The following DCPS variants were observed in gnomAD, a reference collection of about 807,000 sequenced individuals.
DCPS encodes the protein decapping enzyme, scavenger.
Under a neutral mutation model 34.7 loss-of-function variants are expected in DCPS, and 27 were observed. That is an observed-to-expected ratio of 0.78 (90% confidence interval 0.57 to 1.07). The LOEUF is 1.07. Ranked by LOEUF, DCPS falls within the 50% of genes least tolerant of loss-of-function variation. The pLI is 0.00. For synonymous variants in DCPS, 185 were observed against 185.7 expected, an observed-to-expected ratio of 1.00 and a Z score of 0.03; for missense variants, 464 against 436.9, an observed-to-expected ratio of 1.06 and a Z score of -0.55.
chr11:126,307,509 C>A (rs1951581510), intron 2 of DCPS, among the ~76,000 whole-genome samples: 1 of 151,926 alleles, frequency 6.6e-6, no homozygotes, highest in African/African-American at 2.4e-5. Flanking sequence ...CTCACAGGTT[C>A]AAGCAATTCT....
chr11:126,349,688 G>A lies in DCPS; in HGVS notation c.*4075G>A, dbSNP rs1252166773. ...ATTTGAATATATTTATTTTATTGAT[G>A]TAGGTCTGCCAACTCTTCCTTCTCA... On this transcript the variant is annotated 3_prime_UTR_variant, in exon 6 of 6. Coordinates refer to ENST00000263579, the MANE Select transcript of DCPS (RefSeq NM_014026.6). The surrounding 1 kb of genome is among the most constrained non-coding windows in gnomAD (Gnocchi z 5.4). 6.6e-6 allele frequency among the ~76,000 whole-genome samples: 1 copy of A among 152,164 alleles called. No individual in the cohort carries two copies. Among genetic ancestry groups the A allele is most frequent in the Non-Finnish European group, 1.5e-5 (1 of 68,030 alleles).
rs1486500578 is a variant in DCPS at position 126,312,261 on chromosome 11, TC to T, written c.376+5519del. ...TGAAACTTTAAACAATGCTTACCCA[TC>T]CGCTATGGCATACTCTGTAGTATTT... On this transcript the variant is annotated intron_variant, in intron 2 of 5. Transcript: ENST00000263579. The surrounding 1 kb of genome is among the most constrained non-coding windows in gnomAD (Gnocchi z 5.1). Among the ~76,000 whole-genome samples, 1 of 152,160 alleles carries T rather than the reference TC, an allele frequency of 6.6e-6. No homozygotes were observed. Among genetic ancestry groups the T allele is most frequent in the Non-Finnish European group, 1.5e-5 (1 of 68,012 alleles).
rs1951808854 is a variant in DCPS at position 126,333,660 on chromosome 11, G to C, written c.522+2110G>C. Among the ~76,000 whole-genome samples, 1 of 152,188 alleles carries C rather than the reference G, an allele frequency of 6.6e-6. No individual in the cohort carries two copies. The highest frequency in any genetic ancestry group is 1.9e-4 in the East Asian group (1 of 5,188). On this transcript the variant is annotated intron_variant, in intron 3 of 5. Transcript: ENST00000263579. The surrounding 1 kb of genome is among the most constrained non-coding windows in gnomAD (Gnocchi z 5.7). ...AGCTGCAAGGAGTTTGGTGTGACTG[G>C]GGCTTGGGCTGCTGGAGGGTCAGAG...
Position 126,323,075 on chromosome 11 carries a change from CT to C in DCPS, c.377-8329del, listed in dbSNP as rs375665002. Among the ~76,000 whole-genome samples the C allele has an allele frequency of 1.3e-3, 194 of 151,768 alleles. No individual in the cohort carries two copies. Among genetic ancestry groups the C allele is most frequent in the African/African-American group, 4.4e-3 (180 of 41,226 alleles). On this transcript the variant is annotated intron_variant, in intron 2 of 5. Transcript: ENST00000263579. The surrounding 1 kb of genome is among the most constrained non-coding windows in gnomAD (Gnocchi z 4.4). ...CTCCTGGGCTCAATAGATTTCCCCC[CT>C]GTTTCAGCCTCCCAAAGTGTTGGGA...
rs1268542744 is a variant in DCPS, at chr11:126,344,826, T to C, written c.748-521T>C. 6.6e-6 allele frequency among the ~76,000 whole-genome samples: 1 copy of C among 152,122 alleles called. No homozygotes were observed. Among genetic ancestry groups the C allele is most frequent in the East Asian group, 1.9e-4 (1 of 5,176 alleles). On this transcript the variant is annotated intron_variant, in intron 5 of 5. Coordinates refer to ENST00000263579, the MANE Select transcript of DCPS (RefSeq NM_014026.6). This position sits in a 1 kb window ranked among gnomAD's most constrained non-coding sequence, Gnocchi z 8.1. ...GTCTGTGTGGGAGCAGCCCCTCCCA[T>C]ACCCCTTCCACAGTCCCTGCTCTTT... is the stretch of plus-strand genomic sequence containing the variant.
chr11:126,305,413 CTTTTTTTTTTTTTTT>C (rs1165260410), intron 1 of DCPS, among the ~76,000 whole-genome samples: 9 of 68,326 alleles, frequency 1.3e-4, no homozygotes, highest in Non-Finnish European at 1.7e-4. Flanking sequence ...CCGCACCCGC[CTTTTTTTTTTTTTTT>C]TTTTTTTTTG....
chr11:126,338,021 C>T lies in DCPS; in HGVS notation c.523-265C>T. ...GTGCACTATGCTGACCAGGAAGAGC[C>T]TGGCCCCTTCCAAGCTGCAGAGACC... On this transcript the variant is annotated intron_variant, in intron 3 of 5. Transcript: ENST00000263579. This position sits in a 1 kb window ranked among gnomAD's most constrained non-coding sequence, Gnocchi z 5.4. The T allele has an allele frequency of 2.0e-6, 1 of 492,200 alleles. No individual in the cohort carries two copies. Among genetic ancestry groups the T allele is most frequent in the Non-Finnish European group, 3.7e-6 (1 of 269,830 alleles). The allele number at this position is 492,200 out of a possible 1,614,324, so 30.5% of individuals were successfully genotyped here.
At chr11:126,314,697 G>A (rs1430990697) in intron 2 of DCPS, among the ~76,000 whole-genome samples, 1 of 152,110 alleles carries the variant, frequency 6.6e-6, no homozygotes, top group African/African-American at 2.4e-5. Flanking sequence ...GCAGCAACCT[G>A]GATGGAATTG....
intron 2 of DCPS, among the ~76,000 whole-genome samples, chr11:126,318,069 C>T (rs575425113): frequency 6.6e-6 from 1 of 152,308 alleles, no homozygotes; most frequent in East Asian, 1.9e-4. Flanking sequence ...GCTTTCTGGA[C>T]TTCAGAGGAC....
At chr11:126,318,237 T>C (rs185810640) in intron 2 of DCPS, among the ~76,000 whole-genome samples, 23 of 152,302 alleles carry the variant, frequency 1.5e-4, no homozygotes, top group Admixed American at 2.6e-4. Context: ...TGTGGAGTGG[T>C]TGAAGTTTCC....
chr11:126,306,478 G>T, intron 1 of DCPS, 92 bp from the exon 2 acceptor site: 1 of 1,338,172 alleles, frequency 7.5e-7, no homozygotes, highest in Non-Finnish European at 9.9e-7. Context: ...CCAAGTATTG[G>T]GAATTCAAAG....
At position 126,345,794 on chromosome 11, in the gene DCPS, G is replaced by T; in HGVS notation, c.*181G>T. On this transcript the variant is annotated 3_prime_UTR_variant, in exon 6 of 6. Transcript: ENST00000263579. This position sits in a 1 kb window ranked among gnomAD's most constrained non-coding sequence, Gnocchi z 7.4. ...CCTGGGAGGCAGACAGATGGTGGGGGACAGTGGGTGGGTAGAACCTGTGGG... is the reference window on the plus strand; with the variant it reads ...CCTGGGAGGCAGACAGATGGTGGGGTACAGTGGGTGGGTAGAACCTGTGGG... 1 of 883,750 alleles carries T rather than the reference G, an allele frequency of 1.1e-6. No homozygotes were observed. Among genetic ancestry groups the T allele is most frequent in the Non-Finnish European group, 1.7e-6 (1 of 595,280 alleles). The allele number at this position is 883,750 out of a possible 1,614,324, so 54.7% of individuals were successfully genotyped here.
chr11:126,306,569 G>A lies in DCPS; in HGVS notation c.202-1G>A. ...CCCACTGATGATGCCTCTGCCCACA[G>A]GTGAATGAGGCCTCTGGGGATGGGG... On this transcript the variant is annotated splice_acceptor_variant, in intron 1 of 5. Coordinates refer to ENST00000263579, the MANE Select transcript of DCPS (RefSeq NM_014026.6). LOFTEE classifies it high-confidence loss of function. 1 of 1,602,800 alleles carries A rather than the reference G, an allele frequency of 6.2e-7. No individual in the cohort carries two copies. Among genetic ancestry groups the A allele is most frequent in the Non-Finnish European group, 8.5e-7 (1 of 1,171,870 alleles).
At chr11:126,341,364 G>C (rs1213912371) in intron 4 of DCPS, 1 of 152,268 alleles carries the variant, frequency 6.6e-6, no homozygotes, top group African/African-American at 2.4e-5. Context: ...CCCTGGGCTA[G>C]CTTTTTTCAG....
rs955949314 is a variant in DCPS at position 126,346,696 on chromosome 11, C to T, written c.*1083C>T. 6.6e-6 allele frequency among the ~76,000 whole-genome samples: 1 copy of T among 152,004 alleles called. No homozygotes were observed. Among genetic ancestry groups the T allele is most frequent in the Non-Finnish European group, 1.5e-5 (1 of 68,034 alleles). The stretch of plus-strand genomic sequence containing the variant: ...CTCAGGGATGGCAGGATGGCAGGCT[C>T]CTAAGTGACAGCAGGGGGGAAGCTT... On this transcript the variant is annotated 3_prime_UTR_variant, in exon 6 of 6. Transcript: ENST00000263579. The surrounding 1 kb of genome is among the most constrained non-coding windows in gnomAD (Gnocchi z 4.1).
rs939620467 is a variant in DCPS at position 126,319,100 on chromosome 11, G to A, written c.377-12305G>A. 2.6e-5 allele frequency among the ~76,000 whole-genome samples: 4 copies of A among 152,118 alleles called. No individual in the cohort carries two copies. The highest frequency in any genetic ancestry group is 9.7e-5 in the African/African-American group (4 of 41,420). On this transcript the variant is annotated intron_variant, in intron 2 of 5. Transcript: ENST00000263579. This position sits in a 1 kb window ranked among gnomAD's most constrained non-coding sequence, Gnocchi z 4.5. ...GGACAAGTCAGAGCTGTGTTAGTCC[G>A]GGGCACATCAGCCTGCTCATCTGAG...
In DCPS at chr11:126,342,127, G is replaced by A. The variant is rs75757016; in HGVS notation, c.637-1180G>A. 0.049 allele frequency: 7,444 copies of A among 152,350 alleles called. 211 individuals are homozygous for A. The highest frequency in any genetic ancestry group is 0.099 in the East Asian group (514 of 5,182). 9.4% of individuals were successfully genotyped at this position (152,350 alleles called of 1,614,324 possible). ...CCCGTGCCTGGCCCCTCAGAGCCTTGATGTCTGGGGCCTTCCAGGCGCATG... is the reference window on the plus strand; with the variant it reads ...CCCGTGCCTGGCCCCTCAGAGCCTTAATGTCTGGGGCCTTCCAGGCGCATG... On this transcript the variant is annotated intron_variant, in intron 4 of 5. Transcript: ENST00000263579. This position sits in a 1 kb window ranked among gnomAD's most constrained non-coding sequence, Gnocchi z 4.4.
rs909438418 is a variant in DCPS at position 126,323,083 on chromosome 11, G to A, written c.377-8322G>A. Among the ~76,000 whole-genome samples, 6 of 152,064 alleles carry A rather than the reference G, an allele frequency of 3.9e-5. No individual in the cohort carries two copies. The highest frequency in any genetic ancestry group is 1.4e-4 in the African/African-American group (6 of 41,398). On this transcript the variant is annotated intron_variant, in intron 2 of 5. Coordinates refer to ENST00000263579, the MANE Select transcript of DCPS (RefSeq NM_014026.6). The surrounding 1 kb of genome is among the most constrained non-coding windows in gnomAD (Gnocchi z 4.4). ...CTCAATAGATTTCCCCCCTGTTTCAGCCTCCCAAAGTGTTGGGATTACAGG... is the reference window on the plus strand; with the variant it reads ...CTCAATAGATTTCCCCCCTGTTTCAACCTCCCAAAGTGTTGGGATTACAGG...
rs1014473909 is a variant in DCPS at position 126,315,561 on chromosome 11, T to TA, written c.376+8826dup. On this transcript the variant is annotated intron_variant, in intron 2 of 5. Transcript: ENST00000263579. This position sits in a 1 kb window ranked among gnomAD's most constrained non-coding sequence, Gnocchi z 6.1. ...GGTGGCAGAGCAAAACCCTGTCTCTTAAAAAAAAATAAAAAGAGAAAAGAA... is the reference window on the plus strand; with the variant it reads ...GGTGGCAGAGCAAAACCCTGTCTCTTAAAAAAAAAATAAAAAGAGAAAAGAA... 2.7e-5 allele frequency among the ~76,000 whole-genome samples: 4 copies of TA among 150,542 alleles called. No homozygotes were observed. The highest frequency in any genetic ancestry group is 5.9e-5 in the Non-Finnish European group (4 of 67,708).
Sources: gnomAD v4.1 joint callset for allele counts (sites outside exome capture counted in the v4.1 genomes callset) on GRCh38, gnomAD v4.1.1 for gene constraint, Gnocchi (gnomAD v3.1) non-coding constraint, MANE v1.5 for transcripts, NCBI Gene and HGNC (gene_info 2026-07-23, HGNC 2026-07-21) for gene names.